Variants in SEMA3A observed in about 807,000 individuals in gnomAD.
SEMA3A encodes the protein semaphorin 3A.
In SEMA3A, 29 loss-of-function variants were observed where a neutral mutation model predicts 97.9. The observed-to-expected ratio is 0.30, with a 90% CI of 0.22 to 0.40. The LOEUF (loss-of-function observed/expected upper bound fraction) is 0.40. Ranked by LOEUF, SEMA3A falls within the 10% of genes least tolerant of loss-of-function variation. SEMA3A has a pLI of 1.00. For missense variants in SEMA3A, 763 were observed against 951.3 expected, an observed-to-expected ratio of 0.80 and a Z score of 2.60; for synonymous variants, 321 against 323.7, an observed-to-expected ratio of 0.99 and a Z score of 0.09.
intron 7 of SEMA3A, among the ~76,000 whole-genome samples, chr7:84,013,476 T>C (rs1790967645): frequency 6.6e-6 from 1 of 152,212 alleles, no homozygotes; most frequent in African/African-American, 2.4e-5. Flanking sequence ...CATAGGATGC[T>C]ACAATCAGTT....
intron 1 of SEMA3A, among the ~76,000 whole-genome samples, chr7:84,377,480 C>A (rs2116125482): frequency 6.6e-6 from 1 of 152,170 alleles, no homozygotes; most frequent in South Asian, 2.1e-4. Context: ...TTTATGCCAG[C>A]ACTATGCTGT....
chr7:84,258,991 G>C (rs1328805966), intron 3 of SEMA3A, among the ~76,000 whole-genome samples: 1 of 151,518 alleles, frequency 6.6e-6, no homozygotes, highest in East Asian at 1.9e-4. Flanking sequence ...CTATGACCAA[G>C]AAACTTAAGT....
At chr7:84,456,801 C>G (rs1805698010) in intron 1 of SEMA3A, among the ~76,000 whole-genome samples, 1 of 151,662 alleles carries the variant, frequency 6.6e-6, no homozygotes, top group South Asian at 2.1e-4. Flanking sequence ...AAACACAAGG[C>G]AAATATATAT....
intron 5 of SEMA3A, among the ~76,000 whole-genome samples, chr7:84,054,180 A>T (rs1294165687): frequency 6.6e-6 from 1 of 152,176 alleles, no homozygotes; most frequent in Non-Finnish European, 1.5e-5. Context: ...TGAATCTGAC[A>T]ATTATGTGTC....
At chr7:84,466,903 T>C (rs1259352203) in intron 1 of SEMA3A, among the ~76,000 whole-genome samples, 1 of 152,210 alleles carries the variant, frequency 6.6e-6, no homozygotes, top group Admixed American at 6.5e-5. Context: ...GCAACTACTC[T>C]TTTCAAAGAA....
rs377505652 is a variant in SEMA3A, at chr7:84,342,698, C to T, written c.-169+29126G>A. On this transcript the variant is annotated intron_variant, in intron 2 of 3. Coordinates refer to the SEMA3A transcript ENST00000424555. ...TATGGTTGGCAATTACGTGTATAAA[C>T]GATTAGTTGCTAATAGTATTCTTAA... Among the ~76,000 whole-genome samples the T allele has an allele frequency of 5.8e-4, 89 of 152,216 alleles. 1 individual carries two copies. Among genetic ancestry groups the T allele is most frequent in the South Asian group, 2.9e-3 (14 of 4,834 alleles).
At chr7:84,205,138 G>T (rs1016171930) in intron 3 of SEMA3A, among the ~76,000 whole-genome samples, 1 of 152,160 alleles carries the variant, frequency 6.6e-6, no homozygotes, top group Admixed American at 6.5e-5. Flanking sequence ...TTAACTTTAG[G>T]AAGCAGAGAA....
intron 2 of SEMA3A, among the ~76,000 whole-genome samples, chr7:84,129,400 A>T (rs1215421306): frequency 6.6e-6 from 1 of 152,318 alleles, no homozygotes; most frequent in East Asian, 1.9e-4. Flanking sequence ...CCTTTGCTAT[A>T]TATAAAAGTT....
At chr7:84,290,797 T>G (rs1800722618) in intron 3 of SEMA3A, among the ~76,000 whole-genome samples, 1 of 152,150 alleles carries the variant, frequency 6.6e-6, no homozygotes, top group Non-Finnish European at 1.5e-5. Flanking sequence ...AACATTTAAC[T>G]GTGGATTAGA....
intron 1 of SEMA3A, among the ~76,000 whole-genome samples, chr7:84,184,011 G>T (rs939872836): frequency 6.6e-6 from 1 of 152,120 alleles, no homozygotes; most frequent in Non-Finnish European, 1.5e-5. Context: ...GTATCAATGT[G>T]CTGATGTTTA....
chr7:84,407,113 C>G (rs1187149726), intron 1 of SEMA3A, among the ~76,000 whole-genome samples: 1 of 152,092 alleles, frequency 6.6e-6, no homozygotes, highest in Non-Finnish European at 1.5e-5. Flanking sequence ...TTCAAATTGT[C>G]CCTGTTTGCA....
chr7:84,199,626 A>T (rs1213664228), upstream of SEMA3A, among the ~76,000 whole-genome samples: 1 of 152,158 alleles, frequency 6.6e-6, no homozygotes, highest in East Asian at 1.9e-4. Flanking sequence ...CAATCAACAG[A>T]ATTTCAGCAA....
intron 2 of SEMA3A, among the ~76,000 whole-genome samples, chr7:84,339,616 T>G (rs1176054732): frequency 6.6e-6 from 1 of 152,178 alleles, no homozygotes; most frequent in African/African-American, 2.4e-5. Context: ...TCTGAGCACA[T>G]GAAGTATGGA....
intron 1 of SEMA3A, among the ~76,000 whole-genome samples, chr7:84,175,812 T>C (rs1797544999): frequency 6.6e-6 from 1 of 152,184 alleles, no homozygotes; most frequent in African/African-American, 2.4e-5. Context: ...GTTGTAGATA[T>C]GTACTATTAA....
intron 1 of SEMA3A, among the ~76,000 whole-genome samples, chr7:84,456,338 G>A (rs1275881269): frequency 1.3e-5 from 2 of 151,906 alleles, no homozygotes; most frequent in East Asian, 1.9e-4. Context: ...TGTGTTGAAA[G>A]CCCAAAGAAT....
At chr7:84,345,571 T>C (rs1802278921) in intron 2 of SEMA3A, among the ~76,000 whole-genome samples, 1 of 152,222 alleles carries the variant, frequency 6.6e-6, no homozygotes, top group Non-Finnish European at 1.5e-5. Flanking sequence ...AAATCCTTTG[T>C]CATTTTTACA....
chr7:84,314,045 C>G lies in SEMA3A; in HGVS notation c.-168-6753G>C, dbSNP rs1801434211. On this transcript the variant is annotated intron_variant, in intron 2 of 3. Coordinates refer to the SEMA3A transcript ENST00000424555. ...ATAGCAAGGTCTTGAAGTGTATGCC[C>G]AAATGTGACTTATGGTGAGTGAAAA... is the stretch of plus-strand genomic sequence containing the variant. Among the ~76,000 whole-genome samples the G allele has an allele frequency of 2.6e-5, 4 of 152,014 alleles. No homozygotes were observed. The South Asian group carries it at 6.2e-4, about 24-fold the overall frequency.
intron 2 of SEMA3A, among the ~76,000 whole-genome samples, chr7:84,132,696 G>A (rs929524617): frequency 3.1e-4 from 28 of 90,898 alleles, no homozygotes; most frequent in Non-Finnish European, 4.4e-4. Context: ...TTTTTTTTGA[G>A]ACGGAGTCTC....
intron 3 of SEMA3A, among the ~76,000 whole-genome samples, chr7:84,290,618 C>T (rs1054525394): frequency 6.6e-6 from 1 of 152,006 alleles, no homozygotes; most frequent in South Asian, 2.1e-4. Flanking sequence ...AGTCCTCTCA[C>T]CAGAATAGCA....
Sources: allele counts gnomAD v4.1 joint callset (sites outside exome capture counted in the v4.1 genomes callset), GRCh38; gene constraint gnomAD v4.1.1; transcripts MANE v1.5; gene names NCBI Gene and HGNC (gene_info 2026-07-23, HGNC 2026-07-21).